Variants in DTNA observed in about 807,000 individuals in gnomAD.
The protein encoded by DTNA is dystrobrevin alpha, also known as dystrophin-related protein 3.
In DTNA, 43 loss-of-function variants were observed where a neutral mutation model predicts 100.7. That is an observed-to-expected ratio of 0.43 (90% CI 0.33 to 0.55). The LOEUF (loss-of-function observed/expected upper bound fraction) is 0.55. Among genes scored for constraint, DTNA ranks in the 20% least tolerant of loss-of-function variants. The pLI is 0.04. For missense variants in DTNA, 798 were observed against 953.9 expected (o/e 0.84, Z 2.15); for synonymous variants, 349 against 347.9 (o/e 1.00, Z -0.04).
At chr18:34,797,054 T>C (rs2095006248) in intron 4 of DTNA, among the ~76,000 whole-genome samples, 1 of 152,220 alleles carries the variant, frequency 6.6e-6, no homozygotes, top group African/African-American at 2.4e-5. Flanking sequence ...TCTCAGAAGA[T>C]ATGATAACTA....
At chr18:34,574,629 A>G (rs1444374704) in intron 1 of DTNA, 1 of 152,250 alleles carries the variant, frequency 6.6e-6, no homozygotes, top group South Asian at 2.1e-4. Context: ...ACCTGTTTTT[A>G]TTGTTATTAT....
intron 1 of DTNA, among the ~76,000 whole-genome samples, chr18:34,611,955 G>A (rs1176951390): frequency 2.0e-5 from 3 of 152,162 alleles, no homozygotes; most frequent in Non-Finnish European, 4.4e-5. Flanking sequence ...TGTGTTTCAC[G>A]GGGCTCATTG....
At chr18:34,712,821 A>G (rs1159837571) in intron 1 of DTNA, among the ~76,000 whole-genome samples, 1 of 152,160 alleles carries the variant, frequency 6.6e-6, no homozygotes, top group Non-Finnish European at 1.5e-5. Flanking sequence ...TTATCTGCAA[A>G]CATTTACCTC....
intron 1 of DTNA, among the ~76,000 whole-genome samples, chr18:34,740,804 G>GAAA (rs71379578): frequency 5.6e-5 from 8 of 143,218 alleles, no homozygotes; most frequent in African/African-American, 2.0e-4. Flanking sequence ...TCAAAAACAG[G>GAAA]AAAAAAAAAA....
chr18:34,833,921 C>T (rs1786600), intron 11 of DTNA, among the ~76,000 whole-genome samples: 38,643 of 151,882 alleles, frequency 0.25, 5,055 homozygotes, highest in African/African-American at 0.29. Flanking sequence ...TGTATGAAAG[C>T]CATTGTCACA....
intron 1 of DTNA, among the ~76,000 whole-genome samples, chr18:34,746,126 A>G (rs1034830376): frequency 1.9e-4 from 29 of 151,656 alleles, no homozygotes; most frequent in African/African-American, 6.8e-4. Flanking sequence ...CAAAAATTCA[A>G]TTACAAAATT....
chr18:34,549,518 CT>C (rs1406808895), intron 1 of DTNA, among the ~76,000 whole-genome samples: 1 of 152,206 alleles, frequency 6.6e-6, no homozygotes, highest in East Asian at 1.9e-4. Context: ...TCTCACTTTT[CT>C]GACTCTCCTT....
intron 1 of DTNA, among the ~76,000 whole-genome samples, chr18:34,590,164 A>G (rs2049565234): frequency 1.3e-5 from 2 of 152,196 alleles, no homozygotes; most frequent in Non-Finnish European, 2.9e-5. Flanking sequence ...GCATTTAATA[A>G]GATAATAAAT....
intron 1 of DTNA, among the ~76,000 whole-genome samples, chr18:34,627,178 G>A (rs1219272670): frequency 6.6e-6 from 1 of 151,694 alleles, no homozygotes; most frequent in African/African-American, 2.4e-5. Context: ...TTCATTCAAA[G>A]TATCTACCAC....
chr18:34,884,832 A>AT, intron 22 of DTNA, 56 bp downstream of exon 22: 1 of 1,573,008 alleles, frequency 6.4e-7, no homozygotes, highest in Non-Finnish European at 8.8e-7. Context: ...AATTCTGATA[A>AT]CCTGTAATGC....
At chr18:34,819,548 A>G (rs993052513) in intron 8 of DTNA, among the ~76,000 whole-genome samples, 1 of 152,220 alleles carries the variant, frequency 6.6e-6, no homozygotes, top group Non-Finnish European at 1.5e-5. Context: ...CTTCTACCCC[A>G]TATCCTAAAA....
At chr18:34,670,174 G>A (rs539918595) in intron 1 of DTNA, among the ~76,000 whole-genome samples, 110 of 152,086 alleles carry the variant, frequency 7.2e-4, no homozygotes, top group African/African-American at 2.6e-3. Flanking sequence ...CATTCATTTG[G>A]TCTTCCATCA....
chr18:34,809,075 A>G (rs1215225309), intron 5 of DTNA, among the ~76,000 whole-genome samples: 1 of 152,210 alleles, frequency 6.6e-6, no homozygotes, highest in Non-Finnish European at 1.5e-5. Context: ...ATTTAGTTAA[A>G]GGTAATTTGG....
intron 1 of DTNA, among the ~76,000 whole-genome samples, chr18:34,518,233 T>G (rs1480714574): frequency 6.6e-6 from 1 of 152,164 alleles, no homozygotes; most frequent in Non-Finnish European, 1.5e-5. Flanking sequence ...TAACCCCTTT[T>G]TTGAAATGTC....
intron 1 of DTNA, among the ~76,000 whole-genome samples, chr18:34,738,509 A>G (rs1465209900): frequency 6.6e-6 from 1 of 152,146 alleles, no homozygotes; most frequent in Non-Finnish European, 1.5e-5. Flanking sequence ...GATTTACTAA[A>G]AATCTAGATT....
intron 1 of DTNA, among the ~76,000 whole-genome samples, chr18:34,738,165 G>A (rs1047423254): frequency 2.0e-5 from 3 of 152,192 alleles, no homozygotes; most frequent in East Asian, 1.9e-4. Context: ...TGGGCCTGGG[G>A]GCCAGGTGGC....
chr18:34,627,684 G>T (rs2057511390), intron 1 of DTNA, among the ~76,000 whole-genome samples: 1 of 152,100 alleles, frequency 6.6e-6, no homozygotes, highest in Non-Finnish European at 1.5e-5. Flanking sequence ...TTGGAACATG[G>T]TGATCAACCT....
chr18:34,597,027 A>T (rs2050768242), intron 1 of DTNA, among the ~76,000 whole-genome samples: 1 of 151,842 alleles, frequency 6.6e-6, no homozygotes, highest in Non-Finnish European at 1.5e-5. Context: ...GACAGGCCCC[A>T]GTGTGTGATG....
intron 3 of DTNA, among the ~76,000 whole-genome samples, chr18:34,792,072 A>G (rs1344694626): frequency 1.4e-5 from 2 of 140,582 alleles, no homozygotes; most frequent in Non-Finnish European, 3.0e-5. Flanking sequence ...AGGACACAGT[A>G]ACGGTTCTAT....
Sources: gnomAD v4.1 joint callset for allele counts (sites outside exome capture counted in the v4.1 genomes callset) on GRCh38, gnomAD v4.1.1 for gene constraint, MANE v1.5 for transcripts, NCBI Gene and HGNC (gene_info 2026-07-23, HGNC 2026-07-21) for gene names.